The following KCNJ6 variants were observed in gnomAD, a reference collection of about 807,000 sequenced individuals.
KCNJ6 encodes G protein-activated inward rectifier potassium channel 2.
In KCNJ6, 9 loss-of-function variants were observed where a neutral mutation model predicts 34.2. That is an observed-to-expected ratio of 0.26 (90% CI 0.16 to 0.46). The LOEUF (loss-of-function observed/expected upper bound fraction) is 0.46, where lower values mean the gene tolerates loss of function less well. Ranked by LOEUF, KCNJ6 falls within the 20% of genes least tolerant of loss-of-function variation. KCNJ6 has a pLI of 1.00. For missense variants in KCNJ6, 236 were observed against 531.3 expected (o/e 0.44, Z 5.46); for synonymous variants, 196 against 207.1 (o/e 0.95, Z 0.46).
intron 1 of KCNJ6, among the ~76,000 whole-genome samples, chr21:37,857,083 T>C (rs1279664570): frequency 6.6e-6 from 1 of 152,250 alleles, no homozygotes; most frequent in East Asian, 1.9e-4. Context: ...AAACCATTCC[T>C]ATGGATAGAT....
intron 1 of KCNJ6, among the ~76,000 whole-genome samples, chr21:37,882,128 T>C (rs984192647): frequency 1.3e-5 from 2 of 152,232 alleles, no homozygotes; most frequent in African/African-American, 4.8e-5. Flanking sequence ...CCTCCACTTC[T>C]ACAGTTTTAT....
intron 1 of KCNJ6, among the ~76,000 whole-genome samples, chr21:37,860,111 CTCCTGTTCT>C (rs1309715989): frequency 6.6e-6 from 1 of 152,190 alleles, no homozygotes; most frequent in East Asian, 1.9e-4. Flanking sequence ...TCCATCTTTG[CTCCTGTTCT>C]TCCCCAGGCA....
At position 37,800,481 on chromosome 21, in the gene KCNJ6, C is replaced by T. The variant is rs187311683; in HGVS notation, c.25+40177G>A. Among the ~76,000 whole-genome samples, 146 of 152,196 alleles carry T rather than the reference C, an allele frequency of 9.6e-4. 3 individuals are homozygous for T. Among genetic ancestry groups the T allele is most frequent in the South Asian group, 1.7e-3 (8 of 4,810 alleles). ...TTGGACGTAGTTCTAACCAAGCTAC[C>T]GTTCTTAGAAAATAAGCAGGAATTA... On this transcript the variant is annotated intron_variant, in intron 2 of 3. Transcript: ENST00000609713.
chr21:37,760,600 C>T (rs1244630374), intron 2 of KCNJ6, among the ~76,000 whole-genome samples: 1 of 152,240 alleles, frequency 6.6e-6, no homozygotes, highest in East Asian at 1.9e-4. Flanking sequence ...TGCCTGACCA[C>T]CAGCCATCCA....
chr21:37,664,567 CTT>C (rs1230530729), intron 3 of KCNJ6, among the ~76,000 whole-genome samples: 1 of 151,884 alleles, frequency 6.6e-6, no homozygotes, highest in Non-Finnish European at 1.5e-5. Context: ...AAATTGGAAA[CTT>C]TATATGAAAT....
chr21:37,868,251 G>A (rs575697559), intron 1 of KCNJ6, among the ~76,000 whole-genome samples: 46 of 152,304 alleles, frequency 3.0e-4, no homozygotes, highest in African/African-American at 8.9e-4. Flanking sequence ...TACAGCTAGC[G>A]AGATCATTAC....
At chr21:37,626,363 A>T (rs2054311153) in intron 3 of KCNJ6, among the ~76,000 whole-genome samples, 1 of 152,056 alleles carries the variant, frequency 6.6e-6, no homozygotes. Context: ...TGAACTCCTG[A>T]GCTCAGGCAA....
rs1339915842 is a variant in KCNJ6 at position 37,622,242 on chromosome 21, G to GTA, written c.*2915_*2916dup. 6.6e-6 allele frequency: 1 copy of GTA among 152,156 alleles called. No homozygotes were observed. Among genetic ancestry groups the GTA allele is most frequent in the Non-Finnish European group, 1.5e-5 (1 of 68,028 alleles). The allele number at this position is 152,156 out of a possible 1,614,324, so 9.4% of individuals were successfully genotyped here. On this transcript the variant is annotated 3_prime_UTR_variant, in exon 4 of 4. Transcript: ENST00000609713. Reference sequence around the variant, plus strand: ...ATCTTCATTAGTTATGGATACTGTTGTATTAAAAGAGACTTTTAAAAAATT... The same window carrying GTA: ...ATCTTCATTAGTTATGGATACTGTTGTATATTAAAAGAGACTTTTAAAAAATT...
At chr21:37,900,227 C>T (rs2055809947) in intron 1 of KCNJ6, among the ~76,000 whole-genome samples, 1 of 152,146 alleles carries the variant, frequency 6.6e-6, no homozygotes, top group African/African-American at 2.4e-5. Context: ...TAGAAAGACA[C>T]AGTGTGTGGG....
At chr21:37,647,287 G>C (rs531750950) in intron 3 of KCNJ6, among the ~76,000 whole-genome samples, 5 of 152,240 alleles carry the variant, frequency 3.3e-5, no homozygotes, top group South Asian at 4.1e-4. Flanking sequence ...ACTTCTAAGA[G>C]TGTCCTATTA....
intron 3 of KCNJ6, among the ~76,000 whole-genome samples, chr21:37,667,828 G>A (rs1228734258): frequency 6.6e-6 from 1 of 152,060 alleles, no homozygotes; most frequent in Non-Finnish European, 1.5e-5. Flanking sequence ...ACTTGCCCTT[G>A]ACTGAGAACC....
intron 1 of KCNJ6, among the ~76,000 whole-genome samples, chr21:37,863,846 GTTTTTTTTTTTTTGT>G (rs1433003003): frequency 1.0e-5 from 1 of 97,068 alleles, no homozygotes; most frequent in African/African-American, 4.3e-5. Context: ...AAATATAAAG[GTTTTTTTTTTTTTGT>G]TTTTTTTTTT....
At chr21:37,772,146 G>GT in intron 2 of KCNJ6, among the ~76,000 whole-genome samples, 1 of 152,150 alleles carries the variant, frequency 6.6e-6, no homozygotes, top group East Asian at 1.9e-4. Flanking sequence ...TTATTAAAAT[G>GT]TTTCATAGTA....
At chr21:37,736,036 G>A (rs755254414) in intron 2 of KCNJ6, among the ~76,000 whole-genome samples, 1 of 152,158 alleles carries the variant, frequency 6.6e-6, no homozygotes, top group Non-Finnish European at 1.5e-5. Flanking sequence ...TGAACTTCAG[G>A]TGGAGTCTAT....
intron 3 of KCNJ6, among the ~76,000 whole-genome samples, chr21:37,710,668 C>T (rs546358946): frequency 1.3e-5 from 2 of 152,184 alleles, no homozygotes; most frequent in Admixed American, 6.5e-5. Context: ...CCCAGCGCTG[C>T]GTGGCTGTCA....
intron 1 of KCNJ6, among the ~76,000 whole-genome samples, chr21:37,905,555 C>A (rs1479982054): frequency 6.6e-6 from 1 of 152,118 alleles, no homozygotes; most frequent in Non-Finnish European, 1.5e-5. Context: ...TACTAAGCAC[C>A]AAAACGCTAC....
intron 3 of KCNJ6, among the ~76,000 whole-genome samples, chr21:37,678,224 T>A (rs1184212552): frequency 6.6e-6 from 1 of 152,106 alleles, no homozygotes; most frequent in African/African-American, 2.4e-5. Flanking sequence ...CGACAGCTAG[T>A]GAGTGATTCG....
At chr21:37,875,376 G>A (rs1443177552) in intron 1 of KCNJ6, among the ~76,000 whole-genome samples, 1 of 152,122 alleles carries the variant, frequency 6.6e-6, no homozygotes, top group African/African-American at 2.4e-5. Flanking sequence ...AAAATGCCAA[G>A]CTCGCCCATC....
Position 37,617,753 on chromosome 21 carries a change from A to C in KCNJ6, c.*7406T>G, listed in dbSNP as rs1033621718. On this transcript the variant is annotated 3_prime_UTR_variant, in exon 4 of 4. Coordinates refer to ENST00000609713, the MANE Select transcript of KCNJ6 (RefSeq NM_002240.5). ...AAAGAAAAGCACTGAGATCATCACC[A>C]TGAGAAAATCAGAACTTTTGGGGAT... is the stretch of plus-strand genomic sequence containing the variant. 6.6e-6 allele frequency: 1 copy of C among 152,264 alleles called. No individual in the cohort carries two copies. Among genetic ancestry groups the C allele is most frequent in the African/African-American group, 2.4e-5 (1 of 41,474 alleles). The allele number at this position is 152,264 out of a possible 1,614,324, so 9.4% of individuals were successfully genotyped here. A position where few individuals can be genotyped will look rare whatever the true frequency, so the allele number is the denominator to read the frequency against.
Sources: allele counts gnomAD v4.1 joint callset (sites outside exome capture counted in the v4.1 genomes callset), GRCh38; gene constraint gnomAD v4.1.1; transcripts MANE v1.5; gene names NCBI Gene and HGNC (gene_info 2026-07-23, HGNC 2026-07-21).